ESRRG: variants seen among roughly 807,000 people sequenced by gnomAD.
ESRRG encodes the protein estrogen related receptor gamma.
ESRRG carries 13 observed loss-of-function variants against 44.0 expected under a neutral mutation model. That is an observed-to-expected ratio of 0.30 (90% CI 0.19 to 0.47). ESRRG has a LOEUF of 0.47. Ranked by LOEUF, ESRRG falls within the 20% of genes least tolerant of loss-of-function variation. The pLI is 1.00. For synonymous variants in ESRRG, 215 were observed against 214.6 expected, an observed-to-expected ratio of 1.00 and a Z score of -0.02; for missense variants, 395 against 580.6, an observed-to-expected ratio of 0.68 and a Z score of 3.29.
chr1:216,596,102 A>G (rs2150072276), intron 3 of ESRRG, among the ~76,000 whole-genome samples: 1 of 152,280 alleles, frequency 6.6e-6, no homozygotes, highest in South Asian at 2.1e-4. Context: ...GCTCACTGAG[A>G]AAGTCGAATG....
intron 2 of ESRRG, among the ~76,000 whole-genome samples, chr1:216,880,473 T>G (rs2576261): frequency 0.46 from 69,965 of 151,732 alleles, 19,344 homozygotes; most frequent in African/African-American, 0.78. Context: ...AAAAGCAAAA[T>G]AACTTGATAC....
intron 1 of ESRRG, among the ~76,000 whole-genome samples, chr1:217,022,343 C>T (rs1162457897): frequency 2.6e-5 from 4 of 152,174 alleles, no homozygotes; most frequent in Non-Finnish European, 4.4e-5. Context: ...GGAAGGGTTG[C>T]TTTATCCAGA....
chr1:216,813,201 A>G (rs2148494442), intron 2 of ESRRG, among the ~76,000 whole-genome samples: 1 of 152,280 alleles, frequency 6.6e-6, no homozygotes, highest in Non-Finnish European at 1.5e-5. Flanking sequence ...AACACGTGAT[A>G]TGATCAGCTA....
chr1:216,570,474 TA>T (rs2149650590), intron 3 of ESRRG, among the ~76,000 whole-genome samples: 1 of 152,324 alleles, frequency 6.6e-6, no homozygotes, highest in East Asian at 1.9e-4. Flanking sequence ...CATCATGATT[TA>T]TTTTTTTTCA....
At chr1:217,106,010 A>T (rs76538835) in intron 1 of ESRRG, among the ~76,000 whole-genome samples, 3,995 of 152,320 alleles carry the variant, frequency 0.026, 192 homozygotes, top group African/African-American at 0.092. Flanking sequence ...TGATGAATTC[A>T]GTTGTTTGTA....
chr1:217,046,806 C>T (rs995613211), intron 1 of ESRRG, among the ~76,000 whole-genome samples: 2 of 151,534 alleles, frequency 1.3e-5, no homozygotes. Context: ...TTGCTTATGC[C>T]AAGGAATTTT....
At chr1:216,637,776 T>C (rs542060648) in intron 3 of ESRRG, among the ~76,000 whole-genome samples, 1 of 148,582 alleles carries the variant, frequency 6.7e-6, no homozygotes, top group South Asian at 2.1e-4. Context: ...ATTCCTCATG[T>C]TTTTTTTTTC....
At chr1:217,095,868 G>A (rs1376628359) in intron 1 of ESRRG, among the ~76,000 whole-genome samples, 1 of 152,038 alleles carries the variant, frequency 6.6e-6, no homozygotes, top group Non-Finnish European at 1.5e-5. Context: ...TGCCAGCCTG[G>A]GCAACATTGC....
At chr1:216,529,974 T>C (rs1489264339) in intron 5 of ESRRG, among the ~76,000 whole-genome samples, 1 of 151,858 alleles carries the variant, frequency 6.6e-6, no homozygotes, top group African/African-American at 2.4e-5. Context: ...TAGCTGGGCA[T>C]AGTGGCATGG....
intron 2 of ESRRG, among the ~76,000 whole-genome samples, chr1:216,890,995 T>C (rs537475215): frequency 3.5e-4 from 54 of 152,280 alleles, no homozygotes; most frequent in African/African-American, 1.2e-3. Flanking sequence ...ACGATCTTAT[T>C]TGGGCAAAAA....
At chr1:216,883,288 G>A (rs779795105) in intron 2 of ESRRG, among the ~76,000 whole-genome samples, 1 of 151,078 alleles carries the variant, frequency 6.6e-6, no homozygotes, top group Non-Finnish European at 1.5e-5. Context: ...GGGAGGCAGA[G>A]GCAGGAGAAT....
intron 5 of ESRRG, among the ~76,000 whole-genome samples, chr1:216,540,911 T>G (rs2052502304): frequency 6.6e-6 from 1 of 152,020 alleles, no homozygotes; most frequent in Non-Finnish European, 1.5e-5. Context: ...GCTTTTTTAG[T>G]CCTTCTGAAA....
intron 2 of ESRRG, among the ~76,000 whole-genome samples, chr1:216,788,858 G>A (rs1413128626): frequency 6.6e-6 from 1 of 152,138 alleles, no homozygotes; most frequent in Non-Finnish European, 1.5e-5. Context: ...TCTCATGAAT[G>A]ACTTTAAGGA....
chr1:216,856,493 T>C (rs991598076), intron 2 of ESRRG, among the ~76,000 whole-genome samples: 3 of 152,194 alleles, frequency 2.0e-5, no homozygotes, highest in Non-Finnish European at 4.4e-5. Flanking sequence ...TCTGTCAAAG[T>C]GTCTGGGTTC....
intron 2 of ESRRG, among the ~76,000 whole-genome samples, chr1:216,791,388 A>G (rs925694463): frequency 2.0e-5 from 3 of 152,086 alleles, no homozygotes. Context: ...AGGACTCCCC[A>G]GAAGCAGATG....
chr1:216,678,167 A>G (rs2151507469), intron 1 of ESRRG, among the ~76,000 whole-genome samples: 1 of 152,332 alleles, frequency 6.6e-6, no homozygotes, highest in East Asian at 1.9e-4. Flanking sequence ...TTGGCAATAT[A>G]GAAAGACATC....
At chr1:217,031,204 A>G (rs1410868193) in intron 1 of ESRRG, among the ~76,000 whole-genome samples, 1 of 152,234 alleles carries the variant, frequency 6.6e-6, no homozygotes, top group Non-Finnish European at 1.5e-5. Flanking sequence ...AATATTTACT[A>G]TCTCGCCCTT....
chr1:216,918,837 GAT>G (rs921867704), intron 2 of ESRRG, among the ~76,000 whole-genome samples: 2 of 147,882 alleles, frequency 1.4e-5, no homozygotes, highest in African/African-American at 2.5e-5. Context: ...TCTGATCGTA[GAT>G]ATATATATAA....
intron 1 of ESRRG, among the ~76,000 whole-genome samples, chr1:217,053,966 A>T (rs1437831168): frequency 6.6e-6 from 1 of 151,794 alleles, no homozygotes; most frequent in Non-Finnish European, 1.5e-5. Flanking sequence ...TGAAGTTGTC[A>T]GCCGTGGCGT....
Sources: allele counts gnomAD v4.1 joint callset (sites outside exome capture counted in the v4.1 genomes callset), GRCh38; gene constraint gnomAD v4.1.1; transcripts MANE v1.5; gene names NCBI Gene and HGNC (gene_info 2026-07-23, HGNC 2026-07-21).